The following STX8 variants were observed in gnomAD, a reference collection of about 807,000 sequenced individuals.
STX8 encodes syntaxin-8.
STX8 carries 23 observed loss-of-function variants against 37.5 expected under a neutral mutation model. That is an observed-to-expected ratio of 0.61 (90% CI 0.44 to 0.87). The LOEUF (loss-of-function observed/expected upper bound fraction) is 0.87. STX8 is among the 40% of genes least tolerant of loss of function. The pLI is 0.00. For missense variants in STX8, 313 were observed against 284.7 expected, an observed-to-expected ratio of 1.10 and a Z score of -0.71; for synonymous variants, 115 against 99.1, an observed-to-expected ratio of 1.16 and a Z score of -0.95.
At chr17:9,513,178 C>A (rs1180148567) in intron 4 of STX8, among the ~76,000 whole-genome samples, 1 of 151,752 alleles carries the variant, frequency 6.6e-6, no homozygotes, top group Non-Finnish European at 1.5e-5. Context: ...ATCTCAATGG[C>A]AAAAATCATA....
At chr17:9,324,909 T>A (rs372474841) in intron 7 of STX8, among the ~76,000 whole-genome samples, 1 of 152,198 alleles carries the variant, frequency 6.6e-6, no homozygotes, top group Non-Finnish European at 1.5e-5. Flanking sequence ...TTCGAGATGA[T>A]GCAAAGGCAA....
intron 4 of STX8, among the ~76,000 whole-genome samples, chr17:9,539,663 A>ACCCCCCC (rs112638421): frequency 6.7e-6 from 1 of 149,740 alleles, no homozygotes; most frequent in African/African-American, 2.5e-5. Flanking sequence ...AACCCAACTG[A>ACCCCCCC]CCCCCCCCAC....
At chr17:9,516,864 T>A (rs1905173985) in intron 4 of STX8, among the ~76,000 whole-genome samples, 1 of 152,122 alleles carries the variant, frequency 6.6e-6, no homozygotes, top group Non-Finnish European at 1.5e-5. Flanking sequence ...CCTCTTCAGC[T>A]CTGGTTTTCT....
chr17:9,556,750 A>AATATAT (rs575240217), intron 3 of STX8: 54 of 99,512 alleles, frequency 5.4e-4, no homozygotes, highest in African/African-American at 2.3e-3. Flanking sequence ...GAATTTCTAA[A>AATATAT]ATATATATAT....
chr17:9,414,518 A>C (rs1913109609), intron 6 of STX8, among the ~76,000 whole-genome samples: 1 of 152,144 alleles, frequency 6.6e-6, no homozygotes, highest in Non-Finnish European at 1.5e-5. Context: ...CAAACAGCTC[A>C]AGGACAGGCA....
At chr17:9,323,835 C>A (rs180776128) in intron 7 of STX8, among the ~76,000 whole-genome samples, 2 of 151,954 alleles carry the variant, frequency 1.3e-5, no homozygotes, top group African/African-American at 4.8e-5. Flanking sequence ...TAGGCCCAAA[C>A]GGGACAATGA....
intron 4 of STX8, among the ~76,000 whole-genome samples, chr17:9,527,661 A>G (rs1422677594): frequency 2.0e-5 from 3 of 152,160 alleles, no homozygotes; most frequent in African/African-American, 7.2e-5. Context: ...AAGGGCTGCA[A>G]TTCAAAAGAA....
At position 9,313,435 on chromosome 17, in the gene STX8, T is replaced by C. The variant is rs1445183216; in HGVS notation, c.644-62790A>G. On this transcript the variant is annotated intron_variant, in intron 7 of 7. Transcript: ENST00000306357. ...TTTGAGGATTCACAATCAGCACCAATAGATCCAATAATCCAACAGGACAGT... is the reference window on the plus strand; with the variant it reads ...TTTGAGGATTCACAATCAGCACCAACAGATCCAATAATCCAACAGGACAGT... Among the ~76,000 whole-genome samples the C allele has an allele frequency of 3.9e-5, 6 of 152,298 alleles. No homozygotes were observed. In the South Asian group the frequency reaches 6.2e-4, roughly 16 times the overall value.
At position 9,301,674 on chromosome 17, in the gene STX8, A is replaced by G. The variant is rs550028041; in HGVS notation, c.644-51029T>C. Among the ~76,000 whole-genome samples, 267 of 146,262 alleles carry G rather than the reference A, an allele frequency of 1.8e-3. 2 individuals carry two copies. The highest frequency in any genetic ancestry group is 6.0e-3 in the African/African-American group (235 of 39,084). On this transcript the variant is annotated intron_variant, in intron 7 of 7. Coordinates refer to ENST00000306357, the MANE Select transcript of STX8 (RefSeq NM_004853.3). The stretch of plus-strand genomic sequence containing the variant: ...TTTTTGTTTTTTTTTTTGTATTTTT[A>G]GTAGAGACGGGGTTTCACCGTGGTA...
At chr17:9,390,314 G>C (rs1295865683) in intron 6 of STX8, among the ~76,000 whole-genome samples, 1 of 151,922 alleles carries the variant, frequency 6.6e-6, no homozygotes, top group Non-Finnish European at 1.5e-5. Context: ...CTGAGATCAG[G>C]AGTTGAAGAC....
intron 7 of STX8, among the ~76,000 whole-genome samples, chr17:9,285,383 A>G (rs1465266967): frequency 6.6e-6 from 1 of 151,654 alleles, no homozygotes; most frequent in Non-Finnish European, 1.5e-5. Flanking sequence ...CAGAATCAGC[A>G]GAAACCAGTG....
chr17:9,568,787 C>G (rs959182230), intron 1 of STX8, among the ~76,000 whole-genome samples: 2 of 152,244 alleles, frequency 1.3e-5, no homozygotes, highest in Non-Finnish European at 2.9e-5. Context: ...GCGTGAGCCC[C>G]TGCACCTGGC....
At chr17:9,340,903 T>C (rs1036092581) in intron 7 of STX8, among the ~76,000 whole-genome samples, 10 of 150,204 alleles carry the variant, frequency 6.7e-5, no homozygotes, top group Admixed American at 3.3e-4. Context: ...GTGATCTGCC[T>C]GCCTCGGCCT....
intron 7 of STX8, among the ~76,000 whole-genome samples, chr17:9,286,572 C>T (rs1006375510): frequency 2.0e-5 from 3 of 151,832 alleles, no homozygotes; most frequent in Non-Finnish European, 2.9e-5. Context: ...TGTAAGCTCA[C>T]GGCTTTGGTT....
At chr17:9,424,655 G>A (rs984317777) in intron 6 of STX8, among the ~76,000 whole-genome samples, 2 of 152,082 alleles carry the variant, frequency 1.3e-5, no homozygotes, top group Non-Finnish European at 2.9e-5. Context: ...TCAACTTCGA[G>A]TTACAGAATC....
chr17:9,573,080 A>AACCCCCCCC (rs1907746427), intron 1 of STX8, among the ~76,000 whole-genome samples: 2 of 101,576 alleles, frequency 2.0e-5, no homozygotes, highest in Admixed American at 1.1e-4. Flanking sequence ...CACCCCCAAC[A>AACCCCCCCC]CCCCCCCCCA....
chr17:9,515,001 C>T (rs1012460339), intron 4 of STX8, among the ~76,000 whole-genome samples: 2 of 152,042 alleles, frequency 1.3e-5, no homozygotes, highest in Non-Finnish European at 1.5e-5. Context: ...ACATTTACTT[C>T]GTAGTTATTA....
chr17:9,313,326 G>T (rs1909260918), intron 7 of STX8, among the ~76,000 whole-genome samples: 1 of 152,214 alleles, frequency 6.6e-6, no homozygotes, highest in Non-Finnish European at 1.5e-5. Context: ...ATCCACTGCA[G>T]CCGGTTTAGC....
chr17:9,480,301 T>C (rs1320792556), intron 6 of STX8, among the ~76,000 whole-genome samples: 1 of 152,190 alleles, frequency 6.6e-6, no homozygotes, highest in Non-Finnish European at 1.5e-5. Flanking sequence ...ATTTGGAGAA[T>C]GTACTGAGGA....
Sources: allele counts gnomAD v4.1 joint callset (sites outside exome capture counted in the v4.1 genomes callset), GRCh38; gene constraint gnomAD v4.1.1; transcripts MANE v1.5; gene names NCBI Gene and HGNC (gene_info 2026-07-23, HGNC 2026-07-21).